ATP6V1C1: variants seen among roughly 807,000 people sequenced by gnomAD.
The protein encoded by ATP6V1C1 is ATPase H+ transporting V1 subunit C1, also known as V-type proton ATPase subunit C 1.
In ATP6V1C1, 45 loss-of-function variants were observed where a neutral mutation model predicts 53.9. The observed-to-expected ratio is 0.83, with a 90% CI of 0.66 to 1.07. The LOEUF (loss-of-function observed/expected upper bound fraction) is 1.07. ATP6V1C1 is among the 50% of genes least tolerant of loss of function. The pLI, the probability that ATP6V1C1 is intolerant of heterozygous loss-of-function variation, is 0.00. For synonymous variants in ATP6V1C1, 153 were observed against 155.2 expected (o/e 0.99, Z 0.11); for missense variants, 315 against 440.3 (o/e 0.72, Z 2.55).
intron 11 of ATP6V1C1, among the ~76,000 whole-genome samples, chr8:103,065,163 C>A (rs191258325): frequency 1.1e-3 from 171 of 152,224 alleles, no homozygotes; most frequent in African/African-American, 4.0e-3. Context: ...TTATTGAAAT[C>A]ATTTCATATT....
At chr8:103,066,773 C>G (rs758572296) in intron 12 of ATP6V1C1, among the ~76,000 whole-genome samples, 4 of 151,974 alleles carry the variant, frequency 2.6e-5, no homozygotes, top group Admixed American at 6.6e-5. Context: ...AGAAAATAAG[C>G]AGTTATTTTA....
rs546422676 is a variant in ATP6V1C1 at position 103,052,727 on chromosome 8, A to G, written c.382-4A>G. 2 of 1,554,028 alleles carry G rather than the reference A, an allele frequency of 1.3e-6. No individual in the cohort carries two copies. The highest frequency in any genetic ancestry group is 8.7e-7 in the Non-Finnish European group (1 of 1,153,776). ...TCTATTTTTCTTCTTTTTCTTTTTC[A>G]AAGGGAGTAACTCAGATTGATAATG... is the stretch of plus-strand genomic sequence containing the variant. On this transcript the variant is annotated splice_polypyrimidine_tract_variant and splice_region_variant and intron_variant, in intron 5 of 12. Transcript: ENST00000518738.
chr8:103,052,604 T>C (rs1817219597), intron 5 of ATP6V1C1, 127 bp from the exon 6 acceptor site: 2 of 429,838 alleles, frequency 4.7e-6, no homozygotes, highest in Non-Finnish European at 8.0e-6. Flanking sequence ...TTTAAAATAA[T>C]AGAATATTCT....
intron 1 of ATP6V1C1, among the ~76,000 whole-genome samples, chr8:103,028,858 C>T (rs112340190): frequency 8.5e-5 from 13 of 152,320 alleles, no homozygotes; most frequent in African/African-American, 3.1e-4. Flanking sequence ...CTACAATTAA[C>T]CAGCTTTGCC....
chr8:103,067,496 G>C (rs952697826), intron 12 of ATP6V1C1, among the ~76,000 whole-genome samples: 1 of 149,974 alleles, frequency 6.7e-6, no homozygotes, highest in Non-Finnish European at 1.5e-5. Flanking sequence ...GTTTAGGGTA[G>C]ATGGTAGCAT....
chr8:103,032,384 T>G (rs1816814295), intron 1 of ATP6V1C1, among the ~76,000 whole-genome samples: 1 of 152,246 alleles, frequency 6.6e-6, no homozygotes, highest in Non-Finnish European at 1.5e-5. Flanking sequence ...GTGGAGCATC[T>G]GGAGGCTGAA....
chr8:103,058,206 A>G (rs1411072661), intron 8 of ATP6V1C1, among the ~76,000 whole-genome samples: 2 of 152,254 alleles, frequency 1.3e-5, no homozygotes, highest in African/African-American at 2.4e-5. Flanking sequence ...GGAAGGGAAC[A>G]GTTTAATGCA....
In ATP6V1C1 at chr8:103,030,926, G is replaced by C. The variant is rs190604626; in HGVS notation, c.-40+9701G>C. Among the ~76,000 whole-genome samples, 143 of 152,214 alleles carry C rather than the reference G, an allele frequency of 9.4e-4. 1 individual carries two copies. Among genetic ancestry groups the C allele is most frequent in the Admixed American group, 1.6e-3 (24 of 15,280 alleles). ...GGACATTCAATAGAATCCCCAAAAG[G>C]TTAGACCTTAGTATCAGAGACTAAG... On this transcript the variant is annotated intron_variant, in intron 1 of 12. Transcript: ENST00000518738.
intron 7 of ATP6V1C1, among the ~76,000 whole-genome samples, chr8:103,055,208 A>C (rs1248140386): frequency 1.3e-5 from 2 of 152,174 alleles, no homozygotes; most frequent in African/African-American, 4.8e-5. Flanking sequence ...ACTTGGGTTC[A>C]AAACCAGAAA....
rs1036638924 is a variant in ATP6V1C1 at position 103,071,058 on chromosome 8, T to A, written c.*2311T>A. On this transcript the variant is annotated 3_prime_UTR_variant, in exon 13 of 13. Coordinates refer to ENST00000518738, the MANE Select transcript of ATP6V1C1 (RefSeq NM_001695.5). ...TAATTTGGGAAAATCCAGATCCACA[T>A]CATTGTAGAGTCTGAGGGTTAGAAG... is the stretch of plus-strand genomic sequence containing the variant. The A allele has an allele frequency of 6.6e-6, 1 of 152,202 alleles. No individual in the cohort carries two copies. The highest frequency in any genetic ancestry group is 1.5e-5 in the Non-Finnish European group (1 of 68,046). 9.4% of individuals were successfully genotyped at this position (152,202 alleles called of 1,614,324 possible). A position where few individuals can be genotyped will look rare whatever the true frequency, so the allele number is the denominator to read the frequency against.
intron 11 of ATP6V1C1, among the ~76,000 whole-genome samples, chr8:103,065,563 C>T (rs569565366): frequency 1.1e-4 from 17 of 151,806 alleles, no homozygotes; most frequent in South Asian, 6.3e-4. Context: ...AGCGAGACTC[C>T]GCCTGAAAAA....
At chr8:103,035,204 A>G (rs774443054) in intron 1 of ATP6V1C1, among the ~76,000 whole-genome samples, 1 of 152,096 alleles carries the variant, frequency 6.6e-6, no homozygotes, top group African/African-American at 2.4e-5. Context: ...AACTCTACCA[A>G]TTTTTAATTT....
chr8:103,042,774 C>T (rs1035922529), intron 3 of ATP6V1C1, among the ~76,000 whole-genome samples: 5 of 152,120 alleles, frequency 3.3e-5, no homozygotes, highest in African/African-American at 9.7e-5. Context: ...AGTCACTTAC[C>T]GTCCCCACCA....
chr8:103,027,301 T>G (rs902695691), intron 1 of ATP6V1C1, among the ~76,000 whole-genome samples: 1 of 152,238 alleles, frequency 6.6e-6, no homozygotes, highest in Non-Finnish European at 1.5e-5. Context: ...AAATTTAATT[T>G]ACTGTGAAAG....
At chr8:103,043,730 TC>T (rs1000097426) in intron 3 of ATP6V1C1, among the ~76,000 whole-genome samples, 16 of 152,204 alleles carry the variant, frequency 1.1e-4, no homozygotes, top group African/African-American at 3.9e-4. Context: ...TTGTTTTTCT[TC>T]CTTGGAGAAA....
chr8:103,026,977 T>C (rs927377278), intron 1 of ATP6V1C1, among the ~76,000 whole-genome samples: 1 of 152,230 alleles, frequency 6.6e-6, no homozygotes, highest in Non-Finnish European at 1.5e-5. Flanking sequence ...AAGATGCTTC[T>C]GTTTCGAAGG....
At chr8:103,047,236 T>C (rs557309516) in intron 3 of ATP6V1C1, among the ~76,000 whole-genome samples, 13 of 152,064 alleles carry the variant, frequency 8.5e-5, no homozygotes, top group Non-Finnish European at 1.8e-4. Flanking sequence ...CTGGCTCATA[T>C]TGGCTCTTGT....
intron 5 of ATP6V1C1, among the ~76,000 whole-genome samples, chr8:103,052,435 TC>T (rs1319874390): frequency 6.6e-6 from 1 of 152,072 alleles, no homozygotes; most frequent in Non-Finnish European, 1.5e-5. Flanking sequence ...AATAGTAATC[TC>T]CAAACCCAGT....
At chr8:103,027,960 A>G (rs977672381) in intron 1 of ATP6V1C1, among the ~76,000 whole-genome samples, 10 of 152,120 alleles carry the variant, frequency 6.6e-5, no homozygotes, top group African/African-American at 1.2e-4. Flanking sequence ...CTCAGAGTCT[A>G]TTACAGTTTT....
Sources: gnomAD v4.1 joint callset for allele counts (sites outside exome capture counted in the v4.1 genomes callset) on GRCh38, gnomAD v4.1.1 for gene constraint, MANE v1.5 for transcripts, NCBI Gene and HGNC (gene_info 2026-07-23, HGNC 2026-07-21) for gene names.